ZMIZ1: variants seen among roughly 807,000 people sequenced by gnomAD.
ZMIZ1 encodes zinc finger MIZ-type containing 1.
A neutral mutation model predicts 113.9 loss-of-function variants in ZMIZ1; 17 were observed. That is an observed-to-expected ratio of 0.15 (90% CI 0.10 to 0.22). The LOEUF is 0.22. Among genes scored for constraint, ZMIZ1 ranks in the 10% least tolerant of loss-of-function variants. ZMIZ1 has a pLI of 1.00. For missense variants in ZMIZ1, 1,059 were observed against 1,477.8 expected (o/e 0.72, Z 4.65); for synonymous variants, 607 against 603.1 (o/e 1.01, Z -0.09).
At chr10:79,280,962 CCT>C (rs1214299894) in intron 8 of ZMIZ1, among the ~76,000 whole-genome samples, 1 of 152,182 alleles carries the variant, frequency 6.6e-6, no homozygotes, top group Non-Finnish European at 1.5e-5. Context: ...GCCGTCCATC[CCT>C]CCAGAATCAT....
At chr10:79,124,790 T>C (rs1431564692) in intron 2 of ZMIZ1, among the ~76,000 whole-genome samples, 2 of 152,088 alleles carry the variant, frequency 1.3e-5, no homozygotes, top group African/African-American at 4.8e-5. Flanking sequence ...CTGGGTGGCA[T>C]GGGTCAGGGC....
At chr10:79,264,992 G>A (rs1851502229) in intron 7 of ZMIZ1, among the ~76,000 whole-genome samples, 1 of 152,168 alleles carries the variant, frequency 6.6e-6, no homozygotes, top group Non-Finnish European at 1.5e-5. Context: ...CTGGGTCCAT[G>A]CATCCTGCCC....
chr10:79,130,370 C>G (rs1844704450), intron 2 of ZMIZ1, among the ~76,000 whole-genome samples: 1 of 152,236 alleles, frequency 6.6e-6, no homozygotes, highest in African/African-American at 2.4e-5. Context: ...TGGGGACACC[C>G]TGAGTGCCAG....
chr10:79,151,461 A>G (rs945713174), intron 3 of ZMIZ1, among the ~76,000 whole-genome samples: 5 of 152,116 alleles, frequency 3.3e-5, no homozygotes, highest in Admixed American at 2.6e-4. Flanking sequence ...GTTCATGGGG[A>G]GAGGAACCGG....
chr10:79,283,627 C>T (rs908668851), intron 8 of ZMIZ1, among the ~76,000 whole-genome samples: 1 of 152,128 alleles, frequency 6.6e-6, no homozygotes, highest in Non-Finnish European at 1.5e-5. Context: ...TTTGTTGCCC[C>T]AAGAACATTT....
Position 79,207,889 on chromosome 10 carries a change from G to C in ZMIZ1, c.61-447G>C, listed in dbSNP as rs183313326. On this transcript the variant is annotated intron_variant, in intron 5 of 24. Coordinates refer to ENST00000334512, the MANE Select transcript of ZMIZ1 (RefSeq NM_020338.4). Reference sequence around the variant, plus strand: ...AGGAAGGAATCTCCAGGGCCAACCTGTCCTGGATCAGGGAGGGAGAACTCC... The same window carrying C: ...AGGAAGGAATCTCCAGGGCCAACCTCTCCTGGATCAGGGAGGGAGAACTCC... Among the ~76,000 whole-genome samples the C allele has an allele frequency of 3.3e-3, 498 of 151,728 alleles. 4 individuals carry two copies. Among genetic ancestry groups the C allele is most frequent in the Non-Finnish European group, 4.1e-3 (278 of 67,912 alleles).
At chr10:79,312,602 G>C in intron 24 of ZMIZ1, 40 bp from the exon 25 acceptor site, 1 of 1,610,256 alleles carries the variant, frequency 6.2e-7, no homozygotes, top group Non-Finnish European at 8.5e-7. Flanking sequence ...CTGCCTCTCA[G>C]GCACACCTCA....
intron 2 of ZMIZ1, among the ~76,000 whole-genome samples, chr10:79,136,551 C>A (rs1471933012): frequency 6.6e-6 from 1 of 152,200 alleles, no homozygotes; most frequent in Non-Finnish European, 1.5e-5. Context: ...GGAAGGAGAC[C>A]CTTCTGGTCA....
intron 4 of ZMIZ1, among the ~76,000 whole-genome samples, chr10:79,194,879 G>A (rs1847767448): frequency 6.6e-6 from 1 of 152,244 alleles, no homozygotes; most frequent in South Asian, 2.1e-4. Context: ...GGTGAGAAGT[G>A]TAAATGGAAG....
intron 7 of ZMIZ1, among the ~76,000 whole-genome samples, chr10:79,259,741 C>T (rs924181763): frequency 1.3e-5 from 2 of 151,924 alleles, no homozygotes; most frequent in Non-Finnish European, 2.9e-5. Flanking sequence ...TCAGCCTCCC[C>T]AGTAGCTGGG....
intron 4 of ZMIZ1, among the ~76,000 whole-genome samples, chr10:79,192,980 G>C (rs1456427833): frequency 6.6e-6 from 1 of 152,128 alleles, no homozygotes; most frequent in Admixed American, 6.5e-5. Flanking sequence ...ACTTCCCTGA[G>C]GTAGGGCACA....
At chr10:79,293,700 G>C (rs779935005) in intron 12 of ZMIZ1, 47 bp downstream of exon 12, 1 of 1,612,694 alleles carries the variant, frequency 6.2e-7, no homozygotes, top group Non-Finnish European at 8.5e-7. Flanking sequence ...GGGACACCTG[G>C]GCTTGAAGAC....
At chr10:79,266,324 G>A (rs1419624600) in intron 7 of ZMIZ1, among the ~76,000 whole-genome samples, 3 of 152,194 alleles carry the variant, frequency 2.0e-5, no homozygotes, top group Admixed American at 6.5e-5. Context: ...GGGCCTTCGC[G>A]TACCAGCAGT....
At chr10:79,070,039 T>TA (rs1842203740) in intron 1 of ZMIZ1, among the ~76,000 whole-genome samples, 1 of 151,270 alleles carries the variant, frequency 6.6e-6, no homozygotes, top group Admixed American at 6.6e-5. Context: ...AATACGAAAG[T>TA]AATTTCCCCG....
At chr10:79,097,055 C>T (rs1283450005) in intron 1 of ZMIZ1, among the ~76,000 whole-genome samples, 3 of 152,148 alleles carry the variant, frequency 2.0e-5, no homozygotes, top group Non-Finnish European at 2.9e-5. Flanking sequence ...AGGGGCAGAG[C>T]AGCTGAAACA....
Position 79,279,789 on chromosome 10 carries a change from C to T in ZMIZ1, c.425+2464C>T, listed in dbSNP as rs543324981. Among the ~76,000 whole-genome samples, 79 of 152,264 alleles carry T rather than the reference C, an allele frequency of 5.2e-4. 1 individual carries two copies. The highest frequency in any genetic ancestry group is 1.7e-3 in the African/African-American group (70 of 41,560). ...CAGCCTGGCCAACACGGCGAAACCC[C>T]GTCTCCACCAAAAAATAGGAAAACC... On this transcript the variant is annotated intron_variant, in intron 8 of 24. Transcript: ENST00000334512.
chr10:79,112,401 A>G (rs897208825), intron 1 of ZMIZ1, among the ~76,000 whole-genome samples: 1 of 152,106 alleles, frequency 6.6e-6, no homozygotes, highest in African/African-American at 2.4e-5. Flanking sequence ...GGAATGGCTG[A>G]TGACTTCAGA....
intron 1 of ZMIZ1, among the ~76,000 whole-genome samples, chr10:79,070,540 G>GC (rs1444584371): frequency 2.6e-5 from 4 of 152,084 alleles, no homozygotes; most frequent in Non-Finnish European, 5.9e-5. Flanking sequence ...GCCGGTCCGG[G>GC]CCCCCCACCC....
chr10:79,292,039 G>GC, intron 10 of ZMIZ1, 119 bp from the exon 11 acceptor site: 1 of 1,004,530 alleles, frequency 1.0e-6, no homozygotes, highest in South Asian at 1.5e-5. Flanking sequence ...ATCCCAAGAG[G>GC]CCCCGTCCCC....
Sources: allele counts gnomAD v4.1 joint callset (sites outside exome capture counted in the v4.1 genomes callset), GRCh38; gene constraint gnomAD v4.1.1; transcripts MANE v1.5; gene names NCBI Gene and HGNC (gene_info 2026-07-23, HGNC 2026-07-21).